Variants in CLIP2 observed in about 807,000 individuals in gnomAD.
The protein encoded by CLIP2 is CAP-Gly domain-containing linker protein 2.
CLIP2 carries 41 observed loss-of-function variants against 111.7 expected under a neutral mutation model. The ratio of observed to expected loss-of-function variants is 0.37; its 90% CI spans 0.29 to 0.48. The LOEUF (loss-of-function observed/expected upper bound fraction) is 0.48, where lower values mean the gene tolerates loss of function less well. CLIP2 is among the 20% of genes least tolerant of loss of function. CLIP2 has a pLI of 0.99. For missense variants in CLIP2, 1,160 were observed against 1,422.1 expected (o/e 0.82, Z 2.96); for synonymous variants, 660 against 644.2 (o/e 1.02, Z -0.37).
At position 74,353,963 on chromosome 7, in the gene CLIP2, C is replaced by T. The variant is rs782793016; in HGVS notation, c.762C>T (p.Asp254=). ...GCGAGTGGTGTGGCGTGGAGCTGGA[C>T]GAGCCCCTTGGGAAGAATGATGGGG... is the stretch of plus-strand genomic sequence containing the variant. The part of the protein sequence containing the change: ...AKGEWCGVEL[D]EPLGKNDGAV... The change falls in exon 4 of 17, where the codon GAC becomes GAT. Residue 254 remains aspartate (D), a synonymous_variant. Coordinates refer to ENST00000223398, the MANE Select transcript of CLIP2 (RefSeq NM_003388.5). 25 of 1,614,028 alleles carry T rather than the reference C, an allele frequency of 1.5e-5. No homozygotes were observed. The highest frequency in any genetic ancestry group is 3.3e-4 in the Middle Eastern group (2 of 6,060).
At chr7:74,360,404 C>T in intron 7 of CLIP2, 126 bp downstream of exon 7, 2 of 649,844 alleles carry the variant, frequency 3.1e-6, no homozygotes, top group South Asian at 3.7e-5. Flanking sequence ...GCTGTGTCAC[C>T]CTGGACTGGT....
chr7:74,301,982 G>A (rs1251103899), intron 1 of CLIP2, among the ~76,000 whole-genome samples: 1 of 152,042 alleles, frequency 6.6e-6, no homozygotes, highest in Non-Finnish European at 1.5e-5. Flanking sequence ...CAAAGTGCTG[G>A]GATTACAGGC....
At chr7:74,307,392 G>A (rs1480539303) in intron 1 of CLIP2, among the ~76,000 whole-genome samples, 1 of 152,230 alleles carries the variant, frequency 6.6e-6, no homozygotes, top group Non-Finnish European at 1.5e-5. Context: ...CTCTGCACTC[G>A]GGAAGCTCCA....
chr7:74,315,442 A>G (rs1196887974), intron 1 of CLIP2, among the ~76,000 whole-genome samples: 1 of 151,992 alleles, frequency 6.6e-6, no homozygotes, highest in African/African-American at 2.4e-5. Flanking sequence ...ACAGGGTCTC[A>G]CTATGTTGCC....
rs1788824652 is a variant in CLIP2, at chr7:74,317,675, G to A, written c.121+8G>A. ...CCGCTAGCTCCAAGGAAGGTACGTG[G>A]CACACCAAGGATGGGGGGTGAGGGG... On this transcript the variant is annotated splice_region_variant and intron_variant, in intron 2 of 16. Transcript: ENST00000223398. The A allele has an allele frequency of 6.9e-7, 1 of 1,449,182 alleles. No individual in the cohort carries two copies. Among genetic ancestry groups the A allele is most frequent in the Non-Finnish European group, 9.1e-7 (1 of 1,095,230 alleles). The allele number at this position is 1,449,182 out of a possible 1,614,324, so 89.8% of individuals were successfully genotyped here. A position where few individuals can be genotyped will look rare whatever the true frequency, so the allele number is the denominator to read the frequency against.
chr7:74,345,771 C>T (rs561567952), intron 3 of CLIP2, among the ~76,000 whole-genome samples: 5 of 151,744 alleles, frequency 3.3e-5, no homozygotes, highest in Admixed American at 1.3e-4. Flanking sequence ...CGCTTGAACC[C>T]GGGAGGCGGA....
Position 74,338,911 on chromosome 7 carries a change from C to G in CLIP2, c.585C>G (p.Ser195=). 1 of 1,603,606 alleles carries G rather than the reference C, an allele frequency of 6.2e-7. No homozygotes were observed. Among genetic ancestry groups the G allele is most frequent in the Non-Finnish European group, 8.5e-7 (1 of 1,179,874 alleles). ...TGCGGGAGAGCGTCCTCAACAGCTCCGTGAAGACTGGCAACGAGTCGGGAT... is the reference window on the plus strand; with the variant it reads ...TGCGGGAGAGCGTCCTCAACAGCTCGGTGAAGACTGGCAACGAGTCGGGAT... ...IPLRESVLNS[S]VKTGNESGSN... is the part of the protein sequence containing the mutation. The change falls in exon 3 of 17, where the codon TCC becomes TCG. Residue 195 remains serine, a synonymous_variant. Coordinates refer to ENST00000223398, the MANE Select transcript of CLIP2 (RefSeq NM_003388.5). This position sits in a 1 kb window ranked among gnomAD's most constrained non-coding sequence, Gnocchi z 4.3.
intron 1 of CLIP2, among the ~76,000 whole-genome samples, chr7:74,295,811 C>T (rs983724044): frequency 6.6e-6 from 1 of 151,848 alleles, no homozygotes; most frequent in Non-Finnish European, 1.5e-5. Flanking sequence ...TTGAGAGCAG[C>T]GTGGGCAACA....
chr7:74,391,273 G>A (rs1388703335), intron 13 of CLIP2, among the ~76,000 whole-genome samples: 2 of 152,156 alleles, frequency 1.3e-5, no homozygotes, highest in Non-Finnish European at 2.9e-5. Context: ...GTATTTGAAT[G>A]TCCTTTTCAA....
At chr7:74,295,859 G>T (rs1431290687) in intron 1 of CLIP2, among the ~76,000 whole-genome samples, 1 of 151,620 alleles carries the variant, frequency 6.6e-6, no homozygotes, top group Admixed American at 6.6e-5. Context: ...TAAAAAATTA[G>T]CTGGGTGTGG....
In CLIP2 at chr7:74,405,325, C is replaced by G. The variant is rs1201839391; in HGVS notation, c.*1477C>G. 6.6e-6 allele frequency: 1 copy of G among 152,270 alleles called. No homozygotes were observed. Among genetic ancestry groups the G allele is most frequent in the Non-Finnish European group, 1.5e-5 (1 of 68,134 alleles). 9.4% of individuals were successfully genotyped at this position (152,270 alleles called of 1,614,324 possible). A position where few individuals can be genotyped will look rare whatever the true frequency, so the allele number is the denominator to read the frequency against. Reference sequence around the variant, plus strand: ...GGGAGTGTTTTCCTGTGAGGCCTCCCCCATCAGTGGACCAGAGGGAGAAGC... The same window carrying G: ...GGGAGTGTTTTCCTGTGAGGCCTCCGCCATCAGTGGACCAGAGGGAGAAGC... On this transcript the variant is annotated 3_prime_UTR_variant, in exon 17 of 17. Transcript: ENST00000223398.
intron 15 of CLIP2, 60 bp downstream of exon 15, chr7:74,400,615 C>CGG: frequency 1.4e-6 from 2 of 1,443,730 alleles, no homozygotes; most frequent in South Asian, 2.8e-5. Context: ...TCCTCGGAGC[C>CGG]CCCGTCTGAT....
intron 11 of CLIP2, among the ~76,000 whole-genome samples, chr7:74,382,609 G>A: frequency 6.6e-6 from 1 of 151,326 alleles, no homozygotes; most frequent in South Asian, 2.1e-4. Context: ...ACCATGCCCG[G>A]CTTCTATTTG....
rs2301972 is a variant in CLIP2, at chr7:74,338,692, C to T, written c.366C>T (p.Gly122=). 42 of 1,582,800 alleles carry T rather than the reference C, an allele frequency of 2.7e-5. 1 individual carries two copies. The East Asian group carries it at 8.1e-4, about 31-fold the overall frequency. The change falls in exon 3 of 17, where the codon GGC becomes GGT. Residue 122 remains glycine (G), a synonymous_variant. Coordinates refer to ENST00000223398, the MANE Select transcript of CLIP2 (RefSeq NM_003388.5). The surrounding 1 kb of genome is among the most constrained non-coding windows in gnomAD (Gnocchi z 4.3). ...VLDDPVGKND[G]AVGGVRYFEC... is the part of the protein sequence containing the mutation. ...ACGACCCGGTGGGCAAGAATGATGG[C>T]GCGGTGGGCGGCGTGCGCTACTTCG...
chr7:74,393,301 T>C (rs1261559148), intron 13 of CLIP2, among the ~76,000 whole-genome samples: 2 of 151,836 alleles, frequency 1.3e-5, no homozygotes, highest in East Asian at 3.9e-4. Flanking sequence ...GTGCTGGGAG[T>C]ACAGGCATGA....
At chr7:74,374,631 G>C (rs540766632) in intron 9 of CLIP2, among the ~76,000 whole-genome samples, 1 of 152,256 alleles carries the variant, frequency 6.6e-6, no homozygotes, top group East Asian at 1.9e-4. Flanking sequence ...TGAGACAGGA[G>C]AATCATTTGA....
chr7:74,325,764 T>G (rs560635), intron 2 of CLIP2, among the ~76,000 whole-genome samples: 93,954 of 151,062 alleles, frequency 0.62, 30,971 homozygotes, highest in Middle Eastern at 0.75. Flanking sequence ...CCCGGGAGGT[T>G]GAGGTTGCAG....
intron 14 of CLIP2, among the ~76,000 whole-genome samples, chr7:74,398,957 C>A (rs1286169328): frequency 6.6e-6 from 1 of 152,220 alleles, no homozygotes; most frequent in African/African-American, 2.4e-5. Flanking sequence ...GAAGTGGCGG[C>A]CTCTGCCCCA....
chr7:74,304,093 A>G (rs1435563472), intron 1 of CLIP2, among the ~76,000 whole-genome samples: 1 of 140,228 alleles, frequency 7.1e-6, no homozygotes, highest in Non-Finnish European at 1.5e-5. Context: ...TTTTTTTTTT[A>G]ATAGGAGGTG....
Sources: allele counts gnomAD v4.1 joint callset (sites outside exome capture counted in the v4.1 genomes callset), GRCh38; gene constraint gnomAD v4.1.1; non-coding constraint Gnocchi (gnomAD v3.1); transcripts MANE v1.5; gene names NCBI Gene and HGNC (gene_info 2026-07-23, HGNC 2026-07-21).